The following SMARCD3 variants were observed in gnomAD, a reference collection of about 807,000 sequenced individuals.
SMARCD3 encodes SWI/SNF related BAF chromatin remodeling complex subunit D3, also known as SWI/SNF-related matrix-associated actin-dependent regulator of chromatin subfamily D member 3.
In SMARCD3, 14 loss-of-function variants were observed where a neutral mutation model predicts 58.0. The observed-to-expected ratio is 0.24, with a 90% CI of 0.16 to 0.38. The LOEUF is 0.38. Among genes scored for constraint, SMARCD3 ranks in the 10% least tolerant of loss-of-function variants. The pLI is 1.00. For synonymous variants in SMARCD3, 253 were observed against 253.8 expected (o/e 1.00, Z 0.03); for missense variants, 408 against 636.9 (o/e 0.64, Z 3.87).
At chr7:151,275,128 G>A (rs745350063) in exon 2 of SMARCD3, 2 of 1,612,354 alleles carry the variant, frequency 1.2e-6, no homozygotes, top group South Asian at 2.2e-5. Context: ...ACCACGGTGG[G>A]TGGGTGCTGA....
At chr7:151,240,354 G>A in intron 9 of SMARCD3, 71 bp downstream of exon 9, 1 of 1,591,796 alleles carries the variant, frequency 6.3e-7, no homozygotes, top group South Asian at 1.1e-5. Context: ...GGAGTGGGAG[G>A]AGAGGGAGGG....
At chr7:151,272,832 C>T (rs1795222584) in intron 2 of SMARCD3, among the ~76,000 whole-genome samples, 1 of 152,190 alleles carries the variant, frequency 6.6e-6, no homozygotes, top group Admixed American at 6.5e-5. Context: ...CCGTCAGAGG[C>T]AGGCGGTGGC....
intron 2 of SMARCD3, among the ~76,000 whole-genome samples, chr7:151,273,523 G>C (rs1026369027): frequency 7.2e-5 from 11 of 152,186 alleles, no homozygotes; most frequent in Non-Finnish European, 1.2e-4. Context: ...AGACACCCCA[G>C]AACTGTAGAG....
chr7:151,243,714 T>A lies in SMARCD3; in HGVS notation c.291-13A>T, dbSNP rs770325015. On this transcript the variant is annotated splice_polypyrimidine_tract_variant and intron_variant, in intron 2 of 12. Transcript: ENST00000262188. The surrounding 1 kb of genome is among the most constrained non-coding windows in gnomAD (Gnocchi z 4.4). ...CCTCCTCTTGGCACTGTACATTTTT[T>A]AAAGAAAAAACCAGGTTACCATGGC... 149 of 1,604,976 alleles carry A rather than the reference T, an allele frequency of 9.3e-5. No individual in the cohort carries two copies. Among genetic ancestry groups the A allele is most frequent in the Non-Finnish European group, 1.2e-4 (145 of 1,171,920 alleles).
upstream of SMARCD3, chr7:151,248,778 G>A (rs576756405): frequency 1.5e-4 from 122 of 835,434 alleles, no homozygotes; most frequent in African/African-American, 2.1e-3. The surrounding 1 kb of genome is among the most constrained non-coding windows in gnomAD (Gnocchi z 6.1). Flanking sequence ...CGCCGCCGCG[G>A]CTGCCGCATT....
Position 151,239,548 on chromosome 7 carries a change from C to T in SMARCD3, c.1297-51G>A, listed in dbSNP as rs1434861193. 22 of 1,609,098 alleles carry T rather than the reference C, an allele frequency of 1.4e-5. No individual in the cohort carries two copies. The highest frequency in any genetic ancestry group is 1.9e-5 in the Non-Finnish European group (22 of 1,175,964). ...TGAGCCCTGAATCCCCTCACCTGCC[C>T]CTGGAGTACAACGTTTACTCTCTTT... On this transcript the variant is annotated intron_variant, in intron 11 of 12. Transcript: ENST00000262188. This position sits in a 1 kb window ranked among gnomAD's most constrained non-coding sequence, Gnocchi z 7.0.
At chr7:151,251,843 T>TGCGGGACGGGCTCGGCCGCCTCGCCCC (rs1803524203), upstream of SMARCD3, among the ~76,000 whole-genome samples, 3 of 149,090 alleles carry the variant, frequency 2.0e-5, no homozygotes, top group Admixed American at 6.7e-5. Flanking sequence ...CGCCGCGGCC[T>TGCGGGACGGGCTCGGCCGCCTCGCCCC]GCGGGACGGG....
At chr7:151,261,806 G>A (rs374559257) in intron 2 of SMARCD3, among the ~76,000 whole-genome samples, 16 of 152,342 alleles carry the variant, frequency 1.1e-4, no homozygotes, top group South Asian at 4.1e-4. Flanking sequence ...ATGGCATGAC[G>A]GGTACAAGCG....
intron 2 of SMARCD3, among the ~76,000 whole-genome samples, chr7:151,274,946 G>A (rs962865145): frequency 6.6e-6 from 1 of 152,208 alleles, no homozygotes; most frequent in African/African-American, 2.4e-5. Context: ...GTGTCAGCAG[G>A]GGTGGGGAGA....
In SMARCD3 at chr7:151,239,547, C is replaced by T; in HGVS notation, c.1297-50G>A. On this transcript the variant is annotated intron_variant, in intron 11 of 12. Coordinates refer to ENST00000262188, the MANE Select transcript of SMARCD3 (RefSeq NM_001003801.2). This position sits in a 1 kb window ranked among gnomAD's most constrained non-coding sequence, Gnocchi z 7.0. ...CTGAGCCCTGAATCCCCTCACCTGC[C>T]CCTGGAGTACAACGTTTACTCTCTT... The T allele has an allele frequency of 6.2e-7, 1 of 1,609,036 alleles. No homozygotes were observed. Among genetic ancestry groups the T allele is most frequent in the Non-Finnish European group, 8.5e-7 (1 of 1,175,738 alleles).
chr7:151,253,853 C>T (rs1361557048), intron 2 of SMARCD3, among the ~76,000 whole-genome samples: 1 of 151,676 alleles, frequency 6.6e-6, no homozygotes. Flanking sequence ...AATAGGGCCA[C>T]GTCCAGGGAC....
At chr7:151,272,923 T>C (rs1301799111) in intron 2 of SMARCD3, among the ~76,000 whole-genome samples, 3 of 152,164 alleles carry the variant, frequency 2.0e-5, no homozygotes, top group Non-Finnish European at 4.4e-5. Context: ...TCATCCCCGA[T>C]GGGTGGCTCA....
chr7:151,258,774 G>A (rs1415819708), intron 2 of SMARCD3, among the ~76,000 whole-genome samples: 2 of 151,790 alleles, frequency 1.3e-5, no homozygotes, highest in African/African-American at 2.4e-5. Context: ...CTGGCTTCTG[G>A]GCTCCCTGTG....
chr7:151,265,087 AG>A (rs1450046943), intron 2 of SMARCD3, among the ~76,000 whole-genome samples: 1 of 152,222 alleles, frequency 6.6e-6, no homozygotes, highest in African/African-American at 2.4e-5. Context: ...CACCTGTCAG[AG>A]TCCCCCTGCT....
At chr7:151,249,359 C>T (rs1045734945), upstream of SMARCD3, 1 of 152,160 alleles carries the variant, frequency 6.6e-6, no homozygotes, top group Admixed American at 6.5e-5. The surrounding 1 kb of genome is among the most constrained non-coding windows in gnomAD (Gnocchi z 4.8). Context: ...CAGACAGACG[C>T]CCTGTATGTG....
rs1803225960 is a variant in SMARCD3 at position 151,245,700 on chromosome 7, C to T, written c.79-29G>A. 4.7e-6 allele frequency: 3 copies of T among 634,044 alleles called. No homozygotes were observed. The highest frequency in any genetic ancestry group is 3.7e-5 in the African/African-American group (2 of 53,336). The allele number at this position is 634,044 out of a possible 1,614,324, so 39.3% of individuals were successfully genotyped here. ...GGGGTGGGCGGGGGTGAAGCAGAAA[C>T]GGGCGCCCGTGGGTCAGACCAGGGC... On this transcript the variant is annotated intron_variant, in intron 1 of 12. Coordinates refer to ENST00000262188, the MANE Select transcript of SMARCD3 (RefSeq NM_001003801.2). The surrounding 1 kb of genome is among the most constrained non-coding windows in gnomAD (Gnocchi z 6.2).
At chr7:151,273,322 C>T (rs1321428977) in intron 2 of SMARCD3, among the ~76,000 whole-genome samples, 1 of 152,154 alleles carries the variant, frequency 6.6e-6, no homozygotes, top group African/African-American at 2.4e-5. Context: ...CCTGCAGTGA[C>T]CCTTCAGGAA....
At chr7:151,240,920 G>T in intron 8 of SMARCD3, 1 of 255,216 alleles carries the variant, frequency 3.9e-6, no homozygotes, top group Non-Finnish European at 7.6e-6. Flanking sequence ...AAAGTGCTTG[G>T]GACAGTGCCT....
intron 2 of SMARCD3, among the ~76,000 whole-genome samples, chr7:151,254,759 C>G (rs778787806): frequency 6.6e-6 from 1 of 152,190 alleles, no homozygotes; most frequent in South Asian, 2.1e-4. Context: ...AGCGTCCTGC[C>G]CCTCACCTCG....
Sources: gnomAD v4.1 joint callset for allele counts (sites outside exome capture counted in the v4.1 genomes callset) on GRCh38, gnomAD v4.1.1 for gene constraint, Gnocchi (gnomAD v3.1) non-coding constraint, MANE v1.5 for transcripts, NCBI Gene and HGNC (gene_info 2026-07-23, HGNC 2026-07-21) for gene names.